The following HLF variants were observed in gnomAD, a reference collection of about 807,000 sequenced individuals.
The protein encoded by HLF is hepatic leukemia factor.
In HLF, 3 loss-of-function variants were observed where a neutral mutation model predicts 22.6. The observed-to-expected ratio is 0.13, with a 90% CI of 0.06 to 0.34. The LOEUF (loss-of-function observed/expected upper bound fraction) is 0.34, where lower values mean the gene tolerates loss of function less well. Ranked by LOEUF, HLF falls within the 10% of genes least tolerant of loss-of-function variation. The pLI is 1.00. For missense variants in HLF, 299 were observed against 389.2 expected (o/e 0.77, Z 1.95); for synonymous variants, 151 against 151.8 (o/e 0.99, Z 0.04).
At chr17:55,266,178 G>A (rs1223695444) in intron 1 of HLF, 3 of 152,344 alleles carry the variant, frequency 2.0e-5, no homozygotes, top group African/African-American at 7.2e-5. Flanking sequence ...CCGGTGGGGG[G>A]AGTGGTCTCT....
chr17:55,279,912 T>C (rs2080938460), intron 2 of HLF, among the ~76,000 whole-genome samples: 1 of 152,088 alleles, frequency 6.6e-6, no homozygotes, highest in South Asian at 2.1e-4. Flanking sequence ...ATTATTTTCA[T>C]TCATTTACCT....
At chr17:55,306,727 C>T (rs1904583118) in intron 2 of HLF, among the ~76,000 whole-genome samples, 1 of 152,158 alleles carries the variant, frequency 6.6e-6, no homozygotes, top group Non-Finnish European at 1.5e-5. Context: ...TTGGCTAAGA[C>T]TTTCTATCTC....
intron 2 of HLF, among the ~76,000 whole-genome samples, chr17:55,310,866 A>G (rs1365468925): frequency 6.6e-6 from 1 of 152,230 alleles, no homozygotes; most frequent in Non-Finnish European, 1.5e-5. Context: ...ATAGGGTAAT[A>G]TACCCTAGTA....
At chr17:55,303,771 T>C (rs1904409025) in intron 2 of HLF, among the ~76,000 whole-genome samples, 1 of 152,160 alleles carries the variant, frequency 6.6e-6, no homozygotes, top group Admixed American at 6.5e-5. Context: ...GGATGGTTTG[T>C]GCAAATTCAG....
intron 1 of HLF, 157 bp downstream of exon 1, chr17:55,265,756 A>ACCCTTCCTC (rs2080781730): frequency 8.3e-7 from 1 of 1,209,804 alleles, no homozygotes; most frequent in African/African-American, 1.6e-5. Flanking sequence ...CTCACCCAGC[A>ACCCTTCCTC]CCCTTCCTCC....
intron 2 of HLF, among the ~76,000 whole-genome samples, chr17:55,285,512 G>A (rs935266754): frequency 2.0e-5 from 3 of 152,238 alleles, no homozygotes; most frequent in African/African-American, 4.8e-5. Flanking sequence ...GCCAGCAGCT[G>A]CAGTCCCTTT....
At chr17:55,290,980 G>A (rs1230933974) in intron 2 of HLF, among the ~76,000 whole-genome samples, 1 of 152,206 alleles carries the variant, frequency 6.6e-6, no homozygotes, top group Non-Finnish European at 1.5e-5. Context: ...TTAAGCCAAA[G>A]CCTAATCCAG....
chr17:55,314,435 C>T lies in HLF; in HGVS notation c.452-792C>T, dbSNP rs536679955. On this transcript the variant is annotated intron_variant, in intron 2 of 3. Transcript: ENST00000226067. Reference sequence around the variant, plus strand: ...GTCTGCAGCCGTGGCTCATGCAATCCGTTCATCATGCTGCCTGATTCTTCT... The same window carrying T: ...GTCTGCAGCCGTGGCTCATGCAATCTGTTCATCATGCTGCCTGATTCTTCT... Among the ~76,000 whole-genome samples, 38 of 152,312 alleles carry T rather than the reference C, an allele frequency of 2.5e-4. No homozygotes were observed. The South Asian group carries it at 3.7e-3, about 15-fold the overall frequency.
intron 2 of HLF, among the ~76,000 whole-genome samples, chr17:55,280,646 G>C (rs940829398): frequency 2.0e-5 from 3 of 146,616 alleles, no homozygotes; most frequent in Non-Finnish European, 4.6e-5. Flanking sequence ...TAGTGAACTG[G>C]CTGTCCTCTA....
intron 2 of HLF, among the ~76,000 whole-genome samples, chr17:55,292,282 G>C (rs1244217131): frequency 1.3e-5 from 2 of 152,194 alleles, no homozygotes. Flanking sequence ...GTCAATTGAT[G>C]CAGCAAACTT....
chr17:55,313,017 C>T (rs1005035494), intron 2 of HLF, among the ~76,000 whole-genome samples: 1 of 152,084 alleles, frequency 6.6e-6, no homozygotes, highest in Non-Finnish European at 1.5e-5. Context: ...GGTTTTGTTT[C>T]GCAGGTCCTT....
intron 2 of HLF, among the ~76,000 whole-genome samples, chr17:55,314,429 G>A (rs569556884): frequency 6.6e-6 from 1 of 152,310 alleles, no homozygotes; most frequent in East Asian, 1.9e-4. Flanking sequence ...CGTGGCTCAT[G>A]CAATCCGTTC....
chr17:55,295,093 G>A (rs562846998), intron 2 of HLF, among the ~76,000 whole-genome samples: 6 of 152,260 alleles, frequency 3.9e-5, no homozygotes, highest in East Asian at 1.9e-4. Context: ...TATGAATGGC[G>A]AAGAGATATA....
At chr17:55,315,188 C>G in intron 2 of HLF, 39 bp from the exon 3 acceptor site, 1 of 1,537,566 alleles carries the variant, frequency 6.5e-7, no homozygotes, top group Non-Finnish European at 9.0e-7. Context: ...CTGGGTCTCT[C>G]TAGGGTGTTC....
rs752165259 is a variant in HLF, at chr17:55,315,511, AG to A, written c.672+67del. On this transcript the variant is annotated intron_variant, in intron 3 of 3. Transcript: ENST00000226067. ...GAGTGGGATCCACAGACAGATTAAA[AG>A]GGTGACCCCAGGATGATCCCAGAAG... 239 of 1,208,834 alleles carry A rather than the reference AG, an allele frequency of 2.0e-4. 1 individual carries two copies. The highest frequency in any genetic ancestry group is 2.8e-4 in the Non-Finnish European group (232 of 819,092). 74.9% of individuals were successfully genotyped at this position (1,208,834 alleles called of 1,614,324 possible). A position where few individuals can be genotyped will look rare whatever the true frequency, so the allele number is the denominator to read the frequency against.
Position 55,320,092 on chromosome 17 carries a change from T to C in HLF, c.673-572T>C, listed in dbSNP as rs923439039. On this transcript the variant is annotated intron_variant, in intron 3 of 3. Transcript: ENST00000226067. This position sits in a 1 kb window ranked among gnomAD's most constrained non-coding sequence, Gnocchi z 4.2. ...TGTTAAATCTCCTATGCATAGTTTT[T>C]CCTCATTTTTTCTACTGCACATAAT... 3.9e-5 allele frequency among the ~76,000 whole-genome samples: 6 copies of C among 152,202 alleles called. No homozygotes were observed. The highest frequency in any genetic ancestry group is 1.4e-4 in the African/African-American group (6 of 41,440).
intron 2 of HLF, among the ~76,000 whole-genome samples, chr17:55,304,036 A>C (rs975057559): frequency 7.2e-5 from 11 of 152,006 alleles, no homozygotes; most frequent in Non-Finnish European, 1.3e-4. Context: ...TGAGTGTGGG[A>C]AAGGGGAAGC....
intron 2 of HLF, among the ~76,000 whole-genome samples, chr17:55,269,393 A>G (rs1317484016): frequency 6.6e-6 from 1 of 152,108 alleles, no homozygotes; most frequent in Non-Finnish European, 1.5e-5. Context: ...TGCTACTTAG[A>G]ATGTGCGGTA....
chr17:55,271,702 G>A (rs916213259), intron 2 of HLF: 4 of 152,018 alleles, frequency 2.6e-5, no homozygotes, highest in African/African-American at 4.8e-5. Context: ...GCTAATTTTT[G>A]TATTTTTAGT....
Sources: gnomAD v4.1 joint callset for allele counts (sites outside exome capture counted in the v4.1 genomes callset) on GRCh38, gnomAD v4.1.1 for gene constraint, Gnocchi (gnomAD v3.1) non-coding constraint, MANE v1.5 for transcripts, NCBI Gene and HGNC (gene_info 2026-07-23, HGNC 2026-07-21) for gene names.